Variants in KIF6 observed in about 807,000 individuals in gnomAD.
The protein encoded by KIF6 is kinesin-like protein KIF6.
KIF6 carries 106 observed loss-of-function variants against 112.7 expected under a neutral mutation model. The observed-to-expected ratio is 0.94, with a 90% CI of 0.80 to 1.11. The LOEUF is 1.11. Among genes scored for constraint, KIF6 ranks in the 50% least tolerant of loss-of-function variants. The pLI is 0.00. For missense variants in KIF6, 929 were observed against 964.0 expected, an observed-to-expected ratio of 0.96 and a Z score of 0.48; for synonymous variants, 339 against 339.9, an observed-to-expected ratio of 1.00 and a Z score of 0.03.
intron 13 of KIF6, among the ~76,000 whole-genome samples, chr6:39,509,919 CATATA>C (rs1776666462): frequency 6.6e-6 from 1 of 152,118 alleles, no homozygotes; most frequent in South Asian, 2.1e-4. Flanking sequence ...AACCCCAAGA[CATATA>C]ATTGTCAGAT....
At chr6:39,514,774 T>A (rs74750155) in intron 13 of KIF6, among the ~76,000 whole-genome samples, 1 of 150,400 alleles carries the variant, frequency 6.6e-6, no homozygotes, top group Non-Finnish European at 1.5e-5. Flanking sequence ...AGGCTTTTTT[T>A]CCCCCCCGGG....
intron 21 of KIF6, among the ~76,000 whole-genome samples, chr6:39,344,829 CAG>C (rs990933026): frequency 7.2e-5 from 11 of 152,100 alleles, no homozygotes; most frequent in Admixed American, 7.2e-4. Context: ...TCCTTAAAAA[CAG>C]AATCATATTT....
In KIF6 at chr6:39,724,497, T is replaced by G. The variant is rs144766990; in HGVS notation, c.66+748A>C. On this transcript the variant is annotated intron_variant, in intron 1 of 22. Coordinates refer to ENST00000287152, the MANE Select transcript of KIF6 (RefSeq NM_145027.6). The stretch of plus-strand genomic sequence containing the variant: ...AAAGGTGCATACAAAGTATCATTGC[T>G]CAGAGTCAGGGCAATGTCTTAACCT... Among the ~76,000 whole-genome samples the G allele has an allele frequency of 5.1e-3, 759 of 148,750 alleles. 5 individuals carry two copies. Among genetic ancestry groups the G allele is most frequent in the African/African-American group, 0.018 (726 of 40,612 alleles).
intron 10 of KIF6, among the ~76,000 whole-genome samples, chr6:39,553,373 C>T (rs904765878): frequency 6.6e-6 from 1 of 152,106 alleles, no homozygotes; most frequent in East Asian, 1.9e-4. Flanking sequence ...CATGTAGTAC[C>T]TCAAATGCAG....
intron 15 of KIF6, among the ~76,000 whole-genome samples, chr6:39,398,252 G>A (rs183116607): frequency 3.3e-5 from 5 of 152,202 alleles, no homozygotes; most frequent in East Asian, 3.9e-4. Flanking sequence ...CAGTTCCTTC[G>A]TGGCTAGGGA....
chr6:39,340,233 C>T (rs72858488), intron 22 of KIF6, among the ~76,000 whole-genome samples: 40,069 of 152,136 alleles, frequency 0.26, 5,434 homozygotes, highest in East Asian at 0.43. Context: ...TTCTTCCTTT[C>T]GGAATAAAAA....
chr6:39,361,885 T>A (rs973955040), intron 17 of KIF6, among the ~76,000 whole-genome samples: 3 of 152,090 alleles, frequency 2.0e-5, no homozygotes, highest in Admixed American at 1.3e-4. Context: ...ATGACTGTAG[T>A]CTCTCCAGAG....
At chr6:39,606,996 T>C (rs1484881410) in intron 6 of KIF6, among the ~76,000 whole-genome samples, 1 of 152,206 alleles carries the variant, frequency 6.6e-6, no homozygotes, top group Non-Finnish European at 1.5e-5. Flanking sequence ...GGTTTTCTCA[T>C]AGTTTGAGGT....
At chr6:39,371,998 G>A (rs1215209265) in intron 16 of KIF6, among the ~76,000 whole-genome samples, 2 of 152,114 alleles carry the variant, frequency 1.3e-5, no homozygotes, top group African/African-American at 2.4e-5. Flanking sequence ...TGAGGAAATC[G>A]AGCCTTAGCA....
At chr6:39,561,692 T>C (rs1466026594) in intron 10 of KIF6, among the ~76,000 whole-genome samples, 2 of 152,096 alleles carry the variant, frequency 1.3e-5, no homozygotes, top group Non-Finnish European at 2.9e-5. Flanking sequence ...TTGTGAAACC[T>C]TTGCTTTCCT....
intron 14 of KIF6, among the ~76,000 whole-genome samples, chr6:39,430,180 A>G (rs1309923972): frequency 6.6e-6 from 1 of 151,814 alleles, no homozygotes; most frequent in Non-Finnish European, 1.5e-5. Context: ...CTCAGTCTCC[A>G]TTATGGCCTC....
chr6:39,699,425 T>C (rs544944166), intron 3 of KIF6, among the ~76,000 whole-genome samples: 4 of 152,248 alleles, frequency 2.6e-5, no homozygotes, highest in Admixed American at 6.5e-5. Context: ...GGCAAGAGCC[T>C]TTAAGGCTAG....
intron 19 of KIF6, among the ~76,000 whole-genome samples, chr6:39,352,598 T>C (rs948029342): frequency 7.0e-6 from 1 of 142,254 alleles, no homozygotes; most frequent in African/African-American, 2.8e-5. Context: ...TTTCATGGCC[T>C]GATAGCTCTT....
chr6:39,602,711 A>C (rs560701023), intron 6 of KIF6, among the ~76,000 whole-genome samples: 1 of 152,248 alleles, frequency 6.6e-6, no homozygotes, highest in East Asian at 1.9e-4. Flanking sequence ...ATTAACTCAA[A>C]TCTCCCTATC....
chr6:39,584,114 G>A (rs187882105), intron 9 of KIF6, among the ~76,000 whole-genome samples: 2 of 151,936 alleles, frequency 1.3e-5, no homozygotes, highest in Admixed American at 1.3e-4. Flanking sequence ...TTCTTTCTGA[G>A]CTTTTATATA....
intron 13 of KIF6, among the ~76,000 whole-genome samples, chr6:39,435,480 T>A (rs1771456847): frequency 6.6e-6 from 1 of 152,158 alleles, no homozygotes; most frequent in African/African-American, 2.4e-5. Context: ...ACTCCTCACC[T>A]GAATAGTGTA....
intron 15 of KIF6, among the ~76,000 whole-genome samples, chr6:39,400,291 A>C (rs1028929776): frequency 6.6e-6 from 1 of 152,230 alleles, no homozygotes; most frequent in Non-Finnish European, 1.5e-5. Context: ...AAAGCTGTGC[A>C]AACTGGAAAA....
chr6:39,435,674 A>G (rs925252073), intron 13 of KIF6, among the ~76,000 whole-genome samples: 1 of 152,198 alleles, frequency 6.6e-6, no homozygotes, highest in African/African-American at 2.4e-5. Context: ...AATGGCCTCC[A>G]GTTTCATCCA....
At chr6:39,583,103 T>C in intron 9 of KIF6, 1 of 255,180 alleles carries the variant, frequency 3.9e-6, no homozygotes. Context: ...TTCTTCACAT[T>C]CCTTCAAAGA....
Sources: gnomAD v4.1 joint callset for allele counts (sites outside exome capture counted in the v4.1 genomes callset) on GRCh38, gnomAD v4.1.1 for gene constraint, MANE v1.5 for transcripts, NCBI Gene and HGNC (gene_info 2026-07-23, HGNC 2026-07-21) for gene names.